The following INTS1 variants were observed in gnomAD, a reference collection of about 807,000 sequenced individuals.
INTS1 encodes integrator complex subunit 1.
In INTS1, 137 loss-of-function variants were observed where a neutral mutation model predicts 241.6. The ratio of observed to expected loss-of-function variants is 0.57; its 90% CI spans 0.49 to 0.65. The LOEUF is 0.65. INTS1 is among the 30% of genes least tolerant of loss of function. The pLI is 0.00. For synonymous variants in INTS1, 1,692 were observed against 1,337.8 expected (o/e 1.26, Z -5.78); for missense variants, 3,073 against 3,032.2 (o/e 1.01, Z -0.32).
intron 3 of INTS1, among the ~76,000 whole-genome samples, chr7:1,500,670 G>C (rs1399579265): frequency 1.3e-5 from 2 of 152,218 alleles, no homozygotes; most frequent in Non-Finnish European, 2.9e-5. Flanking sequence ...GCCACCTGCA[G>C]CTTTACTTTC....
Position 1,495,505 on chromosome 7 carries a change from C to A in INTS1, c.1760G>T (p.Arg587Leu), listed in dbSNP as rs777732264. 1 of 1,612,576 alleles carries A rather than the reference C, an allele frequency of 6.2e-7. No individual in the cohort carries two copies. ...AGTGTGGAGCCACCAGACGGCATCC[C>A]GCTGGATGGCGGCAATCTGGTTCTG... is the stretch of plus-strand genomic sequence containing the variant. ...SFQNQIAAIQRDAVWWLHTVV... is the reference protein window; with the variant it reads ...SFQNQIAAIQLDAVWWLHTVV... Residue 587 changes from arginine (R) to leucine (L), a missense_variant, in exon 13 of 48, where the codon CGG becomes CTG. Physicochemically the swap from Arg to Leu is moderately radical, Grantham distance 102. Transcript: ENST00000404767.
rs370274864 is a variant in INTS1 at position 1,498,521 on chromosome 7, C to A, written c.1316G>T (p.Gly439Val). Residue 439 changes from glycine to valine, a missense_variant, in exon 10 of 48, where the codon GGC becomes GTC. Coordinates refer to ENST00000404767, the MANE Select transcript of INTS1 (RefSeq NM_001080453.3). Reference protein sequence around the residue: ...ELLSAHKDNLGTTIKLVIFNE... With the variant: ...ELLSAHKDNLVTTIKLVIFNE... ...GAAGATCACCAACTTGATGGTGGTG[C>A]CCAGGTTGTCCTTGTGCGCGCTCAG... 6.2e-7 allele frequency: 1 copy of A among 1,613,722 alleles called. No individual in the cohort carries two copies. The highest frequency in any genetic ancestry group is 8.5e-7 in the Non-Finnish European group (1 of 1,179,868).
In INTS1 at chr7:1,474,573, T is replaced by A. The variant is rs529728869; in HGVS notation, c.5636+132A>T. ...CCAGCTCAGTCCTGACTTCCCCCGG[T>A]CAAGCTCAGCCCATGGGAACATGCT... On this transcript the variant is annotated intron_variant, in intron 40 of 47. Coordinates refer to ENST00000404767, the MANE Select transcript of INTS1 (RefSeq NM_001080453.3). The A allele has an allele frequency of 2.6e-3, 3,470 of 1,322,912 alleles. 94 individuals are homozygous for A. The South Asian group carries it at 0.039, about 15-fold the overall frequency. The allele number at this position is 1,322,912 out of a possible 1,614,324, so 81.9% of individuals were successfully genotyped here. A position where few individuals can be genotyped will look rare whatever the true frequency, so the allele number is the denominator to read the frequency against.
At chr7:1,487,584 C>G in intron 19 of INTS1, 135 bp from the exon 20 acceptor site, 1 of 1,311,270 alleles carries the variant, frequency 7.6e-7, no homozygotes, top group South Asian at 1.4e-5. Flanking sequence ...TGGGATGTCC[C>G]CAAGGCCTGG....
rs1180837801 is a variant in INTS1 at position 1,481,398 on chromosome 7, A to G, written c.3794T>C (p.Leu1265Pro). The change falls in exon 28 of 48, where the codon CTG becomes CCG. Residue 1265 changes from leucine (L) to proline (P), a missense_variant. Coordinates refer to ENST00000404767, the MANE Select transcript of INTS1 (RefSeq NM_001080453.3). This position sits in a 1 kb window ranked among gnomAD's most constrained non-coding sequence, Gnocchi z 6.8. The part of the protein sequence containing the change: ...VSSMSKLLQF[L>P]DQAVAHDPQT... ...GGGGTCGTGGGCCACTGCCTGGTCC[A>G]GGAACTGGAGGAGTTTGCTCATGCT... The G allele has an allele frequency of 6.2e-7, 1 of 1,612,622 alleles. No individual in the cohort carries two copies. Among genetic ancestry groups the G allele is most frequent in the Admixed American group, 1.7e-5 (1 of 59,992 alleles).
intron 27 of INTS1, among the ~76,000 whole-genome samples, chr7:1,482,045 CT>C (rs971783543): frequency 6.6e-6 from 1 of 152,194 alleles, no homozygotes; most frequent in African/African-American, 2.4e-5. Context: ...GCCTAGACCC[CT>C]TGGCAGTCAT....
At chr7:1,473,500 A>C in intron 42 of INTS1, 66 bp downstream of exon 42, 1 of 1,532,320 alleles carries the variant, frequency 6.5e-7, no homozygotes, top group Non-Finnish European at 8.8e-7. Context: ...TCCCAGGAAC[A>C]CCCTCCAGAC....
In INTS1 at chr7:1,493,666, G is replaced by A. The variant is rs878856015; in HGVS notation, c.2068+88C>T. 5.6e-5 allele frequency: 80 copies of A among 1,439,084 alleles called. No individual in the cohort carries two copies. Among genetic ancestry groups the A allele is most frequent in the South Asian group, 5.5e-4 (38 of 68,970 alleles). The allele number at this position is 1,439,084 out of a possible 1,614,324, so 89.1% of individuals were successfully genotyped here. A position where few individuals can be genotyped will look rare whatever the true frequency, so the allele number is the denominator to read the frequency against. On this transcript the variant is annotated intron_variant, in intron 15 of 47. Transcript: ENST00000404767. This position sits in a 1 kb window ranked among gnomAD's most constrained non-coding sequence, Gnocchi z 5.3. ...CAGCTGAAGCGCAGCTTTGTGGAGC[G>A]CCCCAGAGGTGCGTGCCAGAGCCGG...
intron 26 of INTS1, 91 bp downstream of exon 26, chr7:1,483,651 G>T: frequency 1.0e-6 from 1 of 986,546 alleles, no homozygotes; most frequent in Non-Finnish European, 1.6e-6. Flanking sequence ...CCGCCCAGAA[G>T]CAAGGCAAGG....
chr7:1,493,778 G>A lies in INTS1; in HGVS notation c.2044C>T (p.Arg682Trp). 3.8e-6 allele frequency: 6 copies of A among 1,578,666 alleles called. No individual in the cohort carries two copies. The highest frequency in any genetic ancestry group is 2.3e-5 in the East Asian group (1 of 42,590). ...AMELADHLVK[R>W]AAAVQADDVE... ...CCATCCGCCTGCACGGCAGCCGCCC[G>A]CTTCACCAGGTGGTCAGCAAGCTCC... Residue 682 changes from arginine to tryptophan, a missense_variant, in exon 15 of 48, where the codon CGG becomes TGG. Transcript: ENST00000404767. The surrounding 1 kb of genome is among the most constrained non-coding windows in gnomAD (Gnocchi z 5.3).
Position 1,499,033 on chromosome 7 carries a change from T to TAGCCGCAGGTGGAGGTGAGG in INTS1, c.1059_1078dup (p.Tyr360SerfsTer28). 1 of 1,569,722 alleles carries TAGCCGCAGGTGGAGGTGAGG rather than the reference T, an allele frequency of 6.4e-7. No homozygotes were observed. Among genetic ancestry groups the TAGCCGCAGGTGGAGGTGAGG allele is most frequent in the Non-Finnish European group, 8.6e-7 (1 of 1,158,212 alleles). On this transcript the variant is annotated frameshift_variant, in exon 8 of 48. Coordinates refer to ENST00000404767, the MANE Select transcript of INTS1 (RefSeq NM_001080453.3). LOFTEE classifies it high-confidence loss of function. The stretch of plus-strand genomic sequence containing the variant: ...CACCGCCAGCAGCCGCACCTCCTTA[T>TAGCCGCAGGTGGAGGTGAGG]AGCCGCAGGTGGAGGTGAGGAGCCG...
rs1344508637 is a variant in INTS1, at chr7:1,500,276, T to G, written c.440A>C (p.Lys147Thr). 6.2e-7 allele frequency: 1 copy of G among 1,600,742 alleles called. No homozygotes were observed. Among genetic ancestry groups the G allele is most frequent in the Non-Finnish European group, 8.5e-7 (1 of 1,173,708 alleles). The change falls in exon 4 of 48, where the codon AAG (lysine) becomes ACG (threonine). Residue 147 changes from lysine (K) to threonine (T), a missense_variant. By Grantham distance (78) the Lys-to-Thr change is moderately conservative. Coordinates refer to ENST00000404767, the MANE Select transcript of INTS1 (RefSeq NM_001080453.3). Reference sequence around the variant, plus strand: ...CTTGGCGCGGGTGACCTTCAGCTGCTTCACGGCCCCGCACAGCACGCCCTC... The same window carrying G: ...CTTGGCGCGGGTGACCTTCAGCTGCGTCACGGCCCCGCACAGCACGCCCTC... ...RIEGVLCGAV[K>T]QLKVTRAKPD... is the part of the protein sequence containing the mutation.
At chr7:1,471,447 G>A (rs991406402) in intron 45 of INTS1, 124 bp downstream of exon 45, 24 of 1,158,216 alleles carry the variant, frequency 2.1e-5, no homozygotes, top group South Asian at 9.4e-5. Context: ...GCCCCCACCC[G>A]AAGCCCAGCC....
At position 1,474,801 on chromosome 7, in the gene INTS1, G is replaced by A. The variant is rs201606213; in HGVS notation, c.5540C>T (p.Ala1847Val). ...GLIHRFITLL[A>V]DTSDSRALEN... ...CAACGCCCGGGAGTCGCTGGTGTCC[G>A]CAAGGAGCGTGATGAAGCGGTGGAT... The change falls in exon 40 of 48, where the codon GCG (alanine) becomes GTG (valine). Residue 1847 changes from alanine to valine, a missense_variant. Physicochemically the swap from Ala to Val is moderately conservative, Grantham distance 64. Coordinates refer to ENST00000404767, the MANE Select transcript of INTS1 (RefSeq NM_001080453.3). 3.4e-4 allele frequency: 540 copies of A among 1,589,464 alleles called. 1 individual carries two copies. The African/African-American group carries it at 5.4e-3, about 16-fold the overall frequency.
At position 1,479,451 on chromosome 7, in the gene INTS1, C is replaced by G. The variant is rs1721584104; in HGVS notation, c.4308G>C (p.Leu1436=). The G allele has an allele frequency of 6.3e-7, 1 of 1,577,974 alleles. No individual in the cohort carries two copies. Among genetic ancestry groups the G allele is most frequent in the South Asian group, 1.2e-5 (1 of 85,812 alleles). The change falls in exon 31 of 48, where the codon CTG becomes CTC. Residue 1436 remains leucine, a synonymous_variant. Transcript: ENST00000404767. ...HRSHFLACPL[L]RQLCQYQRCV... ...GTACCTGGTACTGGCAGAGCTGGCG[C>G]AGCAGCGGGCAGGCCAGGAAGTGGC...
intron 39 of INTS1, among the ~76,000 whole-genome samples, 162 bp from the exon 40 acceptor site, chr7:1,475,000 A>AGGCC (rs1344902220): frequency 6.6e-6 from 1 of 152,262 alleles, no homozygotes; most frequent in Non-Finnish European, 1.5e-5. Context: ...GAGGGCAGGC[A>AGGCC]GGCCACAGCC....
intron 45 of INTS1, 76 bp downstream of exon 45, chr7:1,471,495 G>A (rs1237930442): frequency 1.9e-5 from 28 of 1,490,536 alleles, no homozygotes; most frequent in Non-Finnish European, 2.6e-5. Flanking sequence ...GGCACGCCAT[G>A]TTGGGGTGGT....
intron 39 of INTS1, 32 bp from the exon 40 acceptor site, chr7:1,474,870 G>C: frequency 1.3e-6 from 2 of 1,550,768 alleles, no homozygotes; most frequent in Non-Finnish European, 1.7e-6. Flanking sequence ...GGCCGGGGCC[G>C]CTGGCTCCCC....
chr7:1,471,864 C>G (rs145194233), intron 44 of INTS1: 1 of 595,064 alleles, frequency 1.7e-6, no homozygotes, highest in Admixed American at 3.0e-5. Flanking sequence ...TGACCCCTCA[C>G]GGCAGCCCCA....
Sources: allele counts gnomAD v4.1 joint callset (sites outside exome capture counted in the v4.1 genomes callset), GRCh38; gene constraint gnomAD v4.1.1; non-coding constraint Gnocchi (gnomAD v3.1); transcripts MANE v1.5; gene names NCBI Gene and HGNC (gene_info 2026-07-23, HGNC 2026-07-21).